Variants in MDFIC observed in about 807,000 individuals in gnomAD.
MDFIC encodes MyoD family inhibitor domain containing, also known as myoD family inhibitor domain-containing protein.
MDFIC carries 17 observed loss-of-function variants against 23.2 expected under a neutral mutation model. That is an observed-to-expected ratio of 0.73 (90% CI 0.50 to 1.10). The LOEUF (loss-of-function observed/expected upper bound fraction) is 1.10. Ranked by LOEUF, MDFIC falls within the 50% of genes least tolerant of loss-of-function variation. MDFIC has a pLI of 0.00. For missense variants in MDFIC, 356 were observed against 316.6 expected, an observed-to-expected ratio of 1.12 and a Z score of -0.95; for synonymous variants, 120 against 115.2, an observed-to-expected ratio of 1.04 and a Z score of -0.27.
chr7:114,989,176 T>C lies in MDFIC; in HGVS notation c.493+9395T>C, dbSNP rs1036137469. Among the ~76,000 whole-genome samples the C allele has an allele frequency of 2.0e-5, 3 of 152,102 alleles. No individual in the cohort carries two copies. In the East Asian group the frequency reaches 5.8e-4, roughly 29 times the overall value. The stretch of plus-strand genomic sequence containing the variant: ...GGGGGAGACAGACTGGAGATAATGA[T>C]ATCATGAGGCAGGGAAAGAATGTTT... On this transcript the variant is annotated intron_variant, in intron 4 of 4. Coordinates refer to ENST00000393486, the MANE Select transcript of MDFIC (RefSeq NM_001166345.3).
chr7:114,974,064 A>G (rs1276464742), intron 3 of MDFIC, among the ~76,000 whole-genome samples: 2 of 152,170 alleles, frequency 1.3e-5, no homozygotes, highest in Admixed American at 6.5e-5. Flanking sequence ...AGACTATGTC[A>G]GTATTGGGAT....
intron 3 of MDFIC, among the ~76,000 whole-genome samples, chr7:114,950,866 T>A (rs1482195964): frequency 6.6e-6 from 1 of 152,146 alleles, no homozygotes. Context: ...TTCAGATGCC[T>A]CATTGAAACT....
intron 3 of MDFIC, among the ~76,000 whole-genome samples, chr7:114,964,493 C>CCCTT (rs1554473438): frequency 1.9e-4 from 20 of 107,828 alleles, no homozygotes; most frequent in African/African-American, 4.0e-4. Flanking sequence ...CCCCTCCCCT[C>CCCTT]CCCTTCCCTT....
intron 4 of MDFIC, among the ~76,000 whole-genome samples, chr7:114,983,425 A>T (rs867038985): frequency 9.2e-5 from 14 of 152,272 alleles, no homozygotes; most frequent in African/African-American, 3.4e-4. Context: ...CACTGCTAAG[A>T]CATGATCCAT....
chr7:114,995,467 T>C (rs556897125), intron 4 of MDFIC, among the ~76,000 whole-genome samples: 2 of 152,330 alleles, frequency 1.3e-5, no homozygotes, highest in South Asian at 4.1e-4. Flanking sequence ...TCCCCCCATC[T>C]TTGTGGTTTT....
chr7:114,952,111 A>G (rs561269816), intron 3 of MDFIC, among the ~76,000 whole-genome samples: 3 of 152,324 alleles, frequency 2.0e-5, no homozygotes, highest in South Asian at 2.1e-4. Flanking sequence ...ACCTATTTTT[A>G]TAATTGTTTT....
chr7:114,963,528 C>T (rs1259339832), intron 3 of MDFIC, among the ~76,000 whole-genome samples: 1 of 152,186 alleles, frequency 6.6e-6, no homozygotes, highest in Non-Finnish European at 1.5e-5. Context: ...ATTCTCTCTG[C>T]CAGTAGTACT....
At chr7:114,993,756 G>A (rs577656002) in intron 4 of MDFIC, among the ~76,000 whole-genome samples, 1 of 152,316 alleles carries the variant, frequency 6.6e-6, no homozygotes, top group South Asian at 2.1e-4. Flanking sequence ...GCTGAGGAGT[G>A]CTTTACTTCC....
intron 2 of MDFIC, among the ~76,000 whole-genome samples, chr7:114,940,750 A>T (rs1414695763): frequency 6.6e-6 from 1 of 152,198 alleles, no homozygotes; most frequent in Non-Finnish European, 1.5e-5. Context: ...ACCTAGCACA[A>T]TGCCTAAACA....
In MDFIC at chr7:114,979,456, A is replaced by G. The variant is rs754701697; in HGVS notation, c.218-50A>G. 8 of 1,523,598 alleles carry G rather than the reference A, an allele frequency of 5.3e-6. 1 individual carries two copies. The highest frequency in any genetic ancestry group is 2.5e-5 in the South Asian group (2 of 78,580). 94.4% of individuals were successfully genotyped at this position (1,523,598 alleles called of 1,614,324 possible). A position where few individuals can be genotyped will look rare whatever the true frequency, so the allele number is the denominator to read the frequency against. On this transcript the variant is annotated intron_variant, in intron 3 of 4. Transcript: ENST00000393486. ...GAATGTATTTTCATTATTTTAAAATATTAATTTCTTTTTCTTTAACTGGCT... is the reference window on the plus strand; with the variant it reads ...GAATGTATTTTCATTATTTTAAAATGTTAATTTCTTTTTCTTTAACTGGCT...
chr7:114,961,570 A>G (rs1326364116), intron 3 of MDFIC, among the ~76,000 whole-genome samples: 1 of 152,200 alleles, frequency 6.6e-6, no homozygotes, highest in Non-Finnish European at 1.5e-5. Context: ...GGTAATTTAT[A>G]AAGAAAAGAG....
rs141633922 is a variant in MDFIC at position 115,006,756 on chromosome 7, C to T, written c.494-8932C>T. Among the ~76,000 whole-genome samples, 20 of 152,152 alleles carry T rather than the reference C, an allele frequency of 1.3e-4. No individual in the cohort carries two copies. In the East Asian group the frequency reaches 3.9e-3, roughly 29 times the overall value. ...TCCTAGCCATAAATGGTATTGTTACCAACTTGAGTGAACTGTTGCACATTG... is the reference window on the plus strand; with the variant it reads ...TCCTAGCCATAAATGGTATTGTTACTAACTTGAGTGAACTGTTGCACATTG... On this transcript the variant is annotated intron_variant, in intron 4 of 4. Transcript: ENST00000393486.
chr7:114,978,065 C>G (rs1289146753), intron 3 of MDFIC, among the ~76,000 whole-genome samples: 1 of 149,754 alleles, frequency 6.7e-6, no homozygotes, highest in East Asian at 1.9e-4. Context: ...ATATTGTACC[C>G]AAATATGTAG....
At chr7:114,993,339 G>A (rs1330747074) in intron 4 of MDFIC, among the ~76,000 whole-genome samples, 1 of 152,002 alleles carries the variant, frequency 6.6e-6, no homozygotes, top group African/African-American at 2.4e-5. Flanking sequence ...AGTTTTTTGT[G>A]TCTCTATCTC....
At chr7:114,959,792 C>A (rs1219132714) in intron 3 of MDFIC, among the ~76,000 whole-genome samples, 2 of 149,194 alleles carry the variant, frequency 1.3e-5, no homozygotes, top group African/African-American at 2.5e-5. Context: ...CTGTGGTAAG[C>A]CAATTATCTT....
chr7:115,015,680 A>T lies in MDFIC; in HGVS notation c.494-8A>T. The T allele has an allele frequency of 6.2e-7, 1 of 1,613,198 alleles. No homozygotes were observed. The highest frequency in any genetic ancestry group is 8.5e-7 in the Non-Finnish European group (1 of 1,179,238). ...CACTATATGGTCTCCTCATCACTGA[A>T]AATGAAGATTGTTGTGTCCACTGTA... is the stretch of plus-strand genomic sequence containing the variant. On this transcript the variant is annotated splice_polypyrimidine_tract_variant and splice_region_variant and intron_variant, in intron 4 of 4. Transcript: ENST00000393486.
chr7:115,008,418 TCTAA>T (rs1462069796), intron 4 of MDFIC, among the ~76,000 whole-genome samples: 1 of 152,150 alleles, frequency 6.6e-6, no homozygotes, highest in Non-Finnish European at 1.5e-5. Context: ...GTAGCTTTTC[TCTAA>T]CTTTCTTTTT....
At chr7:114,925,627 C>G (rs1792175189) in intron 2 of MDFIC, among the ~76,000 whole-genome samples, 1 of 152,162 alleles carries the variant, frequency 6.6e-6, no homozygotes, top group Admixed American at 6.5e-5. Flanking sequence ...AGATGTCAGA[C>G]AGTATGGAGC....
intron 3 of MDFIC, among the ~76,000 whole-genome samples, chr7:114,974,150 T>C: frequency 6.6e-6 from 1 of 152,176 alleles, no homozygotes; most frequent in East Asian, 1.9e-4. Flanking sequence ...ATTAGGATGT[T>C]TATTTTAGTT....
Sources: gnomAD v4.1 joint callset for allele counts (sites outside exome capture counted in the v4.1 genomes callset) on GRCh38, gnomAD v4.1.1 for gene constraint, MANE v1.5 for transcripts, NCBI Gene and HGNC (gene_info 2026-07-23, HGNC 2026-07-21) for gene names.